Variants in ZNF283 observed in about 807,000 individuals in gnomAD.
ZNF283 encodes zinc finger protein 41.
A neutral mutation model predicts 9.2 loss-of-function variants in ZNF283; 10 were observed. That is an observed-to-expected ratio of 1.09 (90% confidence interval 0.67 to 1.85). The LOEUF (loss-of-function observed/expected upper bound fraction) is 1.85. Among genes scored for constraint, ZNF283 ranks in the 40% most tolerant of loss-of-function variants. ZNF283 has a pLI of 0.00. For missense variants in ZNF283, 631 were observed against 760.1 expected (o/e 0.83, Z 2.00); for synonymous variants, 234 against 244.1 (o/e 0.96, Z 0.38).
At chr19:43,838,697 G>C (rs917533098) in intron 6 of ZNF283, among the ~76,000 whole-genome samples, 19 of 152,144 alleles carry the variant, frequency 1.2e-4, no homozygotes, top group African/African-American at 4.6e-4. Context: ...TCTAGTCAAT[G>C]GGCTATATTC....
intron 6 of ZNF283, among the ~76,000 whole-genome samples, chr19:43,844,676 A>G (rs988327553): frequency 9.2e-5 from 14 of 152,162 alleles, no homozygotes; most frequent in African/African-American, 3.4e-4. Flanking sequence ...CACAATAATC[A>G]TCCATCATTT....
At chr19:43,838,220 G>A (rs1209220418) in intron 6 of ZNF283, 1 of 152,210 alleles carries the variant, frequency 6.6e-6, no homozygotes, top group African/African-American at 2.4e-5. Context: ...CATTACTCAT[G>A]TTATTCACTC....
At chr19:43,841,181 T>C (rs1258979564) in intron 6 of ZNF283, among the ~76,000 whole-genome samples, 2 of 152,250 alleles carry the variant, frequency 1.3e-5, no homozygotes, top group Non-Finnish European at 2.9e-5. Flanking sequence ...CTTTCTTTTG[T>C]TTCCACCTTC....
rs200500734 is a variant in ZNF283, at chr19:43,848,528, G to A, written c.1927G>A (p.Val643Ile). 2.5e-6 allele frequency: 4 copies of A among 1,612,794 alleles called. No homozygotes were observed. In the Admixed American group the frequency reaches 6.7e-5, roughly 27 times the overall value. ...GKTFTCGSKL[V>I]HERTHSNDKP... The stretch of plus-strand genomic sequence containing the variant: ...GACCTTTACTTGTGGCTCAAAACTT[G>A]TTCATGAGAGAACTCATAGTAATGA... Residue 643 changes from valine to isoleucine, a missense_variant, in exon 7 of 7, where the codon GTT becomes ATT. This residue lies in a region of ZNF283 where 444 missense variants were observed against 522.5 expected (regional missense o/e 0.85). Coordinates refer to ENST00000618787, the MANE Select transcript of ZNF283 (RefSeq NM_181845.2).
At position 43,830,770 on chromosome 19, in the gene ZNF283, G is replaced by A. The variant is rs374151142; in HGVS notation, c.-64-548G>A. ...TTACAAAAATTAGCCGGGCGTGGTG[G>A]CGTGCACCTGTAGACCCAGCTATTC... On this transcript the variant is annotated intron_variant, in intron 2 of 6. Coordinates refer to ENST00000618787, the MANE Select transcript of ZNF283 (RefSeq NM_181845.2). Among the ~76,000 whole-genome samples, 86 of 152,024 alleles carry A rather than the reference G, an allele frequency of 5.7e-4. 1 individual carries two copies. Among genetic ancestry groups the A allele is most frequent in the African/African-American group, 2.1e-3 (86 of 41,468 alleles).
intron 3 of ZNF283, among the ~76,000 whole-genome samples, 165 bp downstream of exon 3, chr19:43,831,546 A>C (rs1294412558): frequency 6.6e-6 from 1 of 152,094 alleles, no homozygotes; most frequent in Non-Finnish European, 1.5e-5. Flanking sequence ...CAAAAAAAAA[A>C]CTCAGCGGTC....
intron 2 of ZNF283, among the ~76,000 whole-genome samples, chr19:43,829,337 A>C (rs1970603883): frequency 6.6e-6 from 1 of 152,148 alleles, no homozygotes; most frequent in South Asian, 2.1e-4. Flanking sequence ...GTGAGCCAAG[A>C]TTGCACCACT....
chr19:43,848,276 A>C lies in ZNF283; in HGVS notation c.1675A>C (p.Thr559Pro). The C allele has an allele frequency of 6.2e-7, 1 of 1,608,500 alleles. No homozygotes were observed. Among genetic ancestry groups the C allele is most frequent in the Non-Finnish European group, 8.5e-7 (1 of 1,178,238 alleles). Residue 559 changes from threonine (T) to proline (P), a missense_variant, in exon 7 of 7, where the codon ACT becomes CCT. By Grantham distance (38) the Thr-to-Pro change is conservative (BLOSUM62 -1). Transcript: ENST00000618787. ...GKAFSRGYHL[T>P]QHQKIHTGEK... ...GGCTTTTAGTCGTGGCTATCACCTT[A>C]CTCAACATCAGAAAATTCATACCGG...
chr19:43,830,061 T>C (rs930224110), intron 2 of ZNF283, among the ~76,000 whole-genome samples: 3 of 152,136 alleles, frequency 2.0e-5, no homozygotes, highest in African/African-American at 7.2e-5. Flanking sequence ...TCAAATGATC[T>C]AGGACAGGAA....
chr19:43,847,948 T>G lies in ZNF283; in HGVS notation c.1347T>G (p.His449Gln). The G allele has an allele frequency of 6.2e-7, 1 of 1,613,762 alleles. No homozygotes were observed. Among genetic ancestry groups the G allele is most frequent in the Non-Finnish European group, 8.5e-7 (1 of 1,179,894 alleles). Residue 449 changes from histidine to glutamine, a missense_variant, in exon 7 of 7, where the codon CAT (histidine) becomes CAG (glutamine). Physicochemically the swap from His to Gln is conservative, Grantham distance 24. Transcript: ENST00000618787. Reference protein sequence around the residue: ...AFSRGYHLSQHQKIHTGEKPF... With the variant: ...AFSRGYHLSQQQKIHTGEKPF... ...GTCGTGGCTATCACCTTTCTCAACA[T>G]CAGAAAATCCATACTGGTGAGAAAC...
intron 4 of ZNF283, among the ~76,000 whole-genome samples, chr19:43,834,400 A>G (rs2146541470): frequency 6.6e-6 from 1 of 151,974 alleles, no homozygotes; most frequent in South Asian, 2.1e-4. Context: ...TATACATGGC[A>G]TAACTTGGGG....
At chr19:43,840,588 AAG>A (rs1971161380) in intron 6 of ZNF283, 1 of 152,270 alleles carries the variant, frequency 6.6e-6, no homozygotes, top group Non-Finnish European at 1.5e-5. Flanking sequence ...TCTTTCACCT[AAG>A]AATAGTAGCC....
intron 3 of ZNF283, 143 bp downstream of exon 3, chr19:43,831,524 G>A: frequency 2.7e-6 from 2 of 730,826 alleles, no homozygotes; most frequent in East Asian, 5.5e-5. Flanking sequence ...TGGAATTAAT[G>A]CAGGCTTGGT....
chr19:43,835,525 G>A lies in ZNF283; in HGVS notation c.143G>A (p.Cys48Tyr). The A allele has an allele frequency of 1.2e-6, 2 of 1,611,044 alleles. No individual in the cohort carries two copies. The highest frequency in any genetic ancestry group is 1.7e-6 in the Non-Finnish European group (2 of 1,178,516). ...WDYSSGFSGFCASPIEESHGA... is the reference protein window; with the variant it reads ...WDYSSGFSGFYASPIEESHGA... ...CCCAGTTCTGGCTTTTCTGGATTCT[G>A]TGCTTCACCAATAGAGGAATCCCAT... Residue 48 changes from cysteine to tyrosine, a missense_variant, in exon 5 of 7, where the codon TGT becomes TAT. Physicochemically the swap from Cys to Tyr is radical, Grantham distance 194. This residue lies in a region of ZNF283 where 184 missense variants were observed against 220.0 expected (regional missense o/e 0.84). Coordinates refer to ENST00000618787, the MANE Select transcript of ZNF283 (RefSeq NM_181845.2).
Position 43,849,103 on chromosome 19 carries a change from A to G in ZNF283, c.*462A>G, listed in dbSNP as rs1244935583. ...GGCTTATAGACACAGTAAATATCTT[A>G]GAGTACATCAGAGAATTCATCCAAA... On this transcript the variant is annotated 3_prime_UTR_variant, in exon 7 of 7. Transcript: ENST00000618787. The G allele has an allele frequency of 6.5e-6, 1 of 152,942 alleles. No homozygotes were observed. Among genetic ancestry groups the G allele is most frequent in the African/African-American group, 2.4e-5 (1 of 41,466 alleles). The allele number at this position is 152,942 out of a possible 1,614,324, so 9.5% of individuals were successfully genotyped here.
At chr19:43,828,552 G>A (rs1252237282) in intron 2 of ZNF283, among the ~76,000 whole-genome samples, 6 of 152,158 alleles carry the variant, frequency 3.9e-5, no homozygotes, top group Non-Finnish European at 8.8e-5. Flanking sequence ...CTTGTAGATT[G>A]CTATTAGAGC....
In ZNF283 at chr19:43,848,119, G is replaced by A; in HGVS notation, c.1518G>A (p.Gln506=). 1 of 1,613,490 alleles carries A rather than the reference G, an allele frequency of 6.2e-7. No homozygotes were observed. Among genetic ancestry groups the A allele is most frequent in the South Asian group, 1.1e-5 (1 of 91,058 alleles). ...GTGGGTATCAACTTACTCGACATCA[G>A]GTATTTCACACTGGTGAGAAACCCT... ...FCSGYQLTRH[Q]VFHTGEKPYE... The change falls in exon 7 of 7, where the codon CAG becomes CAA. Residue 506 remains glutamine (Q), a synonymous_variant. Coordinates refer to ENST00000618787, the MANE Select transcript of ZNF283 (RefSeq NM_181845.2).
At position 43,848,766 on chromosome 19, in the gene ZNF283, C is replaced by A; in HGVS notation, c.*125C>A. 3 of 913,574 alleles carry A rather than the reference C, an allele frequency of 3.3e-6. No individual in the cohort carries two copies. The highest frequency in any genetic ancestry group is 4.7e-6 in the Non-Finnish European group (3 of 642,120). 56.6% of individuals were successfully genotyped at this position (913,574 alleles called of 1,614,324 possible). A position where few individuals can be genotyped will look rare whatever the true frequency, so the allele number is the denominator to read the frequency against. On this transcript the variant is annotated 3_prime_UTR_variant, in exon 7 of 7. Transcript: ENST00000618787. ...AAAGCCATTCATTTCTGTTTATGGG[C>A]AATTATCTTGCTATCCAGCAATTCA...
In ZNF283 at chr19:43,848,298, C is replaced by G; in HGVS notation, c.1697C>G (p.Thr566Ser). 1 of 1,613,220 alleles carries G rather than the reference C, an allele frequency of 6.2e-7. No homozygotes were observed. The highest frequency in any genetic ancestry group is 8.5e-7 in the Non-Finnish European group (1 of 1,179,752). ...YHLTQHQKIH[T>S]GEKPFKCKEC... ...CTTACTCAACATCAGAAAATTCATA[C>G]CGGTGAGAAACCTTTCAAATGTAAG... The change falls in exon 7 of 7, where the codon ACC becomes AGC. Residue 566 changes from threonine to serine, a missense_variant. This residue lies in a region of ZNF283 where 444 missense variants were observed against 522.5 expected (regional missense o/e 0.85). Transcript: ENST00000618787.
Sources: gnomAD v4.1 joint callset for allele counts (sites outside exome capture counted in the v4.1 genomes callset) on GRCh38, gnomAD v4.1.1 for gene constraint, gnomAD v4.1.1 regional missense constraint, MANE v1.5 for transcripts, NCBI Gene and HGNC (gene_info 2026-07-23, HGNC 2026-07-21) for gene names.